The following KCTD16 variants were observed in gnomAD, a reference collection of about 807,000 sequenced individuals.
KCTD16 encodes the protein BTB/POZ domain-containing protein KCTD16.
Under a neutral mutation model 33.2 loss-of-function variants are expected in KCTD16, and 13 were observed. The observed-to-expected ratio is 0.39, with a 90% CI of 0.25 to 0.62. The LOEUF is 0.62. Ranked by LOEUF, KCTD16 falls within the 20% of genes least tolerant of loss-of-function variation. The probability of loss-of-function intolerance (pLI) is 0.50; values close to 1 mark genes in which losing one functional copy is unlikely to be tolerated. For missense variants in KCTD16, 441 were observed against 525.1 expected, an observed-to-expected ratio of 0.84 and a Z score of 1.57; for synonymous variants, 197 against 195.3, an observed-to-expected ratio of 1.01 and a Z score of -0.07.
chr5:144,288,969 G>A (rs1036502248), intron 3 of KCTD16, among the ~76,000 whole-genome samples: 4 of 152,002 alleles, frequency 2.6e-5, no homozygotes, highest in South Asian at 2.1e-4. Flanking sequence ...TGAGCCAGTC[G>A]CGCCATTGCA....
rs115403951 is a variant in KCTD16 at position 144,452,685 on chromosome 5, C to T, written c.833-20975C>T. On this transcript the variant is annotated intron_variant, in intron 3 of 3. Coordinates refer to ENST00000512467, the MANE Select transcript of KCTD16 (RefSeq NM_020768.4). Reference sequence around the variant, plus strand: ...TTGAAAATGACCAGTTGACCTTGGTCATTTGACAAATCAGCTGCCAAATCT... The same window carrying T: ...TTGAAAATGACCAGTTGACCTTGGTTATTTGACAAATCAGCTGCCAAATCT... Among the ~76,000 whole-genome samples, 536 of 151,454 alleles carry T rather than the reference C, an allele frequency of 3.5e-3. 2 individuals carry two copies. The highest frequency in any genetic ancestry group is 0.012 in the African/African-American group (514 of 41,268).
At chr5:144,231,887 T>C (rs145196786) in intron 3 of KCTD16, among the ~76,000 whole-genome samples, 56 of 152,310 alleles carry the variant, frequency 3.7e-4, no homozygotes, top group African/African-American at 1.3e-3. Flanking sequence ...GTCTCAGATA[T>C]ATCTTTATTA....
chr5:144,365,945 T>C (rs1459805658), intron 3 of KCTD16, among the ~76,000 whole-genome samples: 1 of 152,238 alleles, frequency 6.6e-6, no homozygotes, highest in African/African-American at 2.4e-5. Flanking sequence ...TATGCTTGTT[T>C]ATATAAACAT....
At chr5:144,324,984 C>T (rs1752166917) in intron 3 of KCTD16, among the ~76,000 whole-genome samples, 1 of 152,152 alleles carries the variant, frequency 6.6e-6, no homozygotes, top group Admixed American at 6.6e-5. Context: ...GGGCTTAATA[C>T]CTAAGTGATG....
At chr5:144,364,616 A>G (rs1751791920) in intron 3 of KCTD16, among the ~76,000 whole-genome samples, 1 of 152,240 alleles carries the variant, frequency 6.6e-6, no homozygotes, top group Non-Finnish European at 1.5e-5. Context: ...CTGACTGTTT[A>G]ATTTATGGTT....
At chr5:144,470,904 A>G (rs1321811278) in intron 3 of KCTD16, among the ~76,000 whole-genome samples, 1 of 152,148 alleles carries the variant, frequency 6.6e-6, no homozygotes, top group South Asian at 2.1e-4. Flanking sequence ...TGGAAGACTG[A>G]GTGCAGTGGC....
chr5:144,297,419 A>T (rs1756070272), intron 3 of KCTD16, among the ~76,000 whole-genome samples: 1 of 152,230 alleles, frequency 6.6e-6, no homozygotes, highest in South Asian at 2.1e-4. Context: ...AATCAAGGAC[A>T]ACTCTACAAG....
chr5:144,311,711 A>G (rs1751770773), intron 3 of KCTD16, among the ~76,000 whole-genome samples: 1 of 152,180 alleles, frequency 6.6e-6, no homozygotes. Flanking sequence ...TACAACTACA[A>G]ATAAAAATAT....
At chr5:144,279,426 A>G (rs1230484943) in intron 3 of KCTD16, among the ~76,000 whole-genome samples, 1 of 152,212 alleles carries the variant, frequency 6.6e-6, no homozygotes, top group South Asian at 2.1e-4. Flanking sequence ...TTATAATAGT[A>G]GCTGCATGTT....
At chr5:144,300,542 C>T (rs956400645) in intron 3 of KCTD16, among the ~76,000 whole-genome samples, 5 of 152,148 alleles carry the variant, frequency 3.3e-5, no homozygotes, top group Admixed American at 2.6e-4. Context: ...ATATGCAATA[C>T]ACAAGTTATA....
In KCTD16 at chr5:144,478,362, A is replaced by C. The variant is rs973436834; in HGVS notation, c.*4248A>C. On this transcript the variant is annotated 3_prime_UTR_variant, in exon 4 of 4. Coordinates refer to ENST00000512467, the MANE Select transcript of KCTD16 (RefSeq NM_020768.4). ...ACCCCTGCTGAAAGAATAGAGTCTT[A>C]AACTTTAATAATCACAGCCTTGTGA... The C allele has an allele frequency of 2.0e-5, 3 of 152,092 alleles. No individual in the cohort carries two copies. Among genetic ancestry groups the C allele is most frequent in the Admixed American group, 6.6e-5 (1 of 15,244 alleles). 9.4% of individuals were successfully genotyped at this position (152,092 alleles called of 1,614,324 possible). A position where few individuals can be genotyped will look rare whatever the true frequency, so the allele number is the denominator to read the frequency against.
At chr5:144,422,312 T>C (rs1020885345) in intron 3 of KCTD16, among the ~76,000 whole-genome samples, 2 of 152,156 alleles carry the variant, frequency 1.3e-5, no homozygotes, top group African/African-American at 2.4e-5. Flanking sequence ...GTGTGTTGAT[T>C]TGGGAATTGG....
intron 3 of KCTD16, among the ~76,000 whole-genome samples, chr5:144,249,553 G>C (rs898649822): frequency 7.2e-5 from 11 of 152,098 alleles, no homozygotes; most frequent in African/African-American, 2.7e-4. Flanking sequence ...GAAAGGAGTT[G>C]GTGGAGAGAA....
chr5:144,442,828 G>A (rs1753742828), intron 3 of KCTD16, among the ~76,000 whole-genome samples: 1 of 151,990 alleles, frequency 6.6e-6, no homozygotes, highest in South Asian at 2.1e-4. Context: ...ATGGAGACCT[G>A]CTCTTTGAGT....
chr5:144,279,293 T>A (rs1363475132), intron 3 of KCTD16, among the ~76,000 whole-genome samples: 3 of 152,222 alleles, frequency 2.0e-5, no homozygotes, highest in South Asian at 2.1e-4. Flanking sequence ...CATTTTTTTT[T>A]ATTTTTTGTA....
intron 3 of KCTD16, among the ~76,000 whole-genome samples, chr5:144,247,966 A>T (rs901196356): frequency 6.6e-6 from 1 of 152,134 alleles, no homozygotes; most frequent in Non-Finnish European, 1.5e-5. Flanking sequence ...TGACGTTAGG[A>T]GGAGGCATGT....
At chr5:144,211,522 A>G (rs1053500036) in intron 3 of KCTD16, among the ~76,000 whole-genome samples, 1 of 152,192 alleles carries the variant, frequency 6.6e-6, no homozygotes, top group Non-Finnish European at 1.5e-5. Context: ...AAACTATTGT[A>G]TACAATTACA....
chr5:144,233,609 GTC>G (rs2126814649), intron 3 of KCTD16, among the ~76,000 whole-genome samples: 1 of 152,148 alleles, frequency 6.6e-6, no homozygotes, highest in South Asian at 2.1e-4. Flanking sequence ...TTTAAGTTCT[GTC>G]CATCATAGCC....
rs186233846 is a variant in KCTD16, at chr5:144,485,253, T to C, written c.*11139T>C. On this transcript the variant is annotated 3_prime_UTR_variant, in exon 4 of 4. Coordinates refer to ENST00000512467, the MANE Select transcript of KCTD16 (RefSeq NM_020768.4). ...ATCATTTTGGCAATCATTGGTTCAC[T>C]CAGAAGGCAACCGCCTATAGATGGA... 35 of 152,020 alleles carry C rather than the reference T, an allele frequency of 2.3e-4. No homozygotes were observed. Among genetic ancestry groups the C allele is most frequent in the Admixed American group, 2.0e-3 (31 of 15,228 alleles). The allele number at this position is 152,020 out of a possible 1,614,324, so 9.4% of individuals were successfully genotyped here.
Sources: gnomAD v4.1 joint callset for allele counts (sites outside exome capture counted in the v4.1 genomes callset) on GRCh38, gnomAD v4.1.1 for gene constraint, MANE v1.5 for transcripts, NCBI Gene and HGNC (gene_info 2026-07-23, HGNC 2026-07-21) for gene names.